The following FAM91A1 variants were observed in gnomAD, a reference collection of about 807,000 sequenced individuals.
FAM91A1 encodes family with sequence similarity 91 member A1.
Under a neutral mutation model 113.5 loss-of-function variants are expected in FAM91A1, and 41 were observed. The ratio of observed to expected loss-of-function variants is 0.36; its 90% CI spans 0.28 to 0.47. The LOEUF (loss-of-function observed/expected upper bound fraction) is 0.47, where lower values mean the gene tolerates loss of function less well. Ranked by LOEUF, FAM91A1 falls within the 20% of genes least tolerant of loss-of-function variation. The pLI, the probability that FAM91A1 is intolerant of heterozygous loss-of-function variation, is 1.00. For missense variants in FAM91A1, 696 were observed against 1,001.2 expected (o/e 0.70, Z 4.11); for synonymous variants, 307 against 347.9 (o/e 0.88, Z 1.31).
Position 123,774,033 on chromosome 8 carries a change from T to C in FAM91A1, c.73-47T>C. ...TGTGTTATGGGAAAAAATAGTACTATTGTTCAGTTTGGAAGTTGTTTAAAA... is the reference window on the plus strand; with the variant it reads ...TGTGTTATGGGAAAAAATAGTACTACTGTTCAGTTTGGAAGTTGTTTAAAA... On this transcript the variant is annotated intron_variant, in intron 1 of 23. Coordinates refer to ENST00000334705, the MANE Select transcript of FAM91A1 (RefSeq NM_144963.4). 5 of 1,478,666 alleles carry C rather than the reference T, an allele frequency of 3.4e-6. No individual in the cohort carries two copies. In the South Asian group the frequency reaches 6.0e-5, roughly 18 times the overall value. 91.6% of individuals were successfully genotyped at this position (1,478,666 alleles called of 1,614,324 possible). A position where few individuals can be genotyped will look rare whatever the true frequency, so the allele number is the denominator to read the frequency against.
chr8:123,811,862 T>G (rs184909306), intron 23 of FAM91A1, among the ~76,000 whole-genome samples: 119 of 152,204 alleles, frequency 7.8e-4, no homozygotes, highest in African/African-American at 2.1e-3. Context: ...GTAAGGTTTT[T>G]TTTGTTTGTT....
intron 15 of FAM91A1, among the ~76,000 whole-genome samples, chr8:123,794,680 A>G (rs1815465279): frequency 1.3e-5 from 2 of 152,244 alleles, no homozygotes; most frequent in African/African-American, 4.8e-5. Context: ...GTGATCACTC[A>G]TGGTTCTCTC....
chr8:123,787,557 C>T, intron 13 of FAM91A1, 107 bp from the exon 14 acceptor site: 2 of 1,074,666 alleles, frequency 1.9e-6, no homozygotes, highest in South Asian at 3.4e-5. Flanking sequence ...CCTCACCCCC[C>T]AATCCTTAAG....
At chr8:123,788,194 C>G in intron 14 of FAM91A1, 1 of 985,270 alleles carries the variant, frequency 1.0e-6, no homozygotes, top group Non-Finnish European at 1.2e-6. Context: ...CTCACTATCC[C>G]TTTTAGCATC....
rs1415710617 is a variant in FAM91A1 at position 123,814,995 on chromosome 8, T to G, written c.*2291T>G. 4 of 152,616 alleles carry G rather than the reference T, an allele frequency of 2.6e-5. No individual in the cohort carries two copies. Among genetic ancestry groups the G allele is most frequent in the Non-Finnish European group, 4.4e-5 (3 of 68,028 alleles). The allele number at this position is 152,616 out of a possible 1,614,324, so 9.5% of individuals were successfully genotyped here. On this transcript the variant is annotated 3_prime_UTR_variant, in exon 24 of 24. Coordinates refer to ENST00000334705, the MANE Select transcript of FAM91A1 (RefSeq NM_144963.4). ...TTTTTCCCGCTTCCTTAATGTAATT[T>G]AAACCCTGGCAAACATTCTTTAGAA...
chr8:123,768,635 G>C lies in FAM91A1; in HGVS notation c.-68G>C. On this transcript the variant is annotated 5_prime_UTR_variant, in exon 1 of 24. Transcript: ENST00000334705. Reference sequence around the variant, plus strand: ...GCGTCGCTCCGCTGACAGGCTGCGGGCGGGCAGGCGGGAGGCGTAGTGTGG... The same window carrying C: ...GCGTCGCTCCGCTGACAGGCTGCGGCCGGGCAGGCGGGAGGCGTAGTGTGG... The C allele has an allele frequency of 7.2e-7, 1 of 1,393,822 alleles. No homozygotes were observed. Among genetic ancestry groups the C allele is most frequent in the South Asian group, 1.3e-5 (1 of 77,438 alleles). The allele number at this position is 1,393,822 out of a possible 1,614,324, so 86.3% of individuals were successfully genotyped here. A position where few individuals can be genotyped will look rare whatever the true frequency, so the allele number is the denominator to read the frequency against.
At chr8:123,795,403 C>A (rs1328203913) in intron 15 of FAM91A1, among the ~76,000 whole-genome samples, 2 of 148,838 alleles carry the variant, frequency 1.3e-5, no homozygotes, top group Non-Finnish European at 3.0e-5. Flanking sequence ...CCCTTTACAG[C>A]TGTCATCATG....
chr8:123,800,691 C>T (rs972849340), intron 18 of FAM91A1, among the ~76,000 whole-genome samples: 2 of 152,128 alleles, frequency 1.3e-5, no homozygotes, highest in Non-Finnish European at 2.9e-5. Flanking sequence ...CATCTCCTTC[C>T]CTCTAGTCTT....
chr8:123,799,953 T>C lies in FAM91A1; in HGVS notation c.1809+68T>C, dbSNP rs574946437. 6 of 1,236,610 alleles carry C rather than the reference T, an allele frequency of 4.9e-6. No homozygotes were observed. In the South Asian group the frequency reaches 7.4e-5, roughly 15 times the overall value. The allele number at this position is 1,236,610 out of a possible 1,614,324, so 76.6% of individuals were successfully genotyped here. A position where few individuals can be genotyped will look rare whatever the true frequency, so the allele number is the denominator to read the frequency against. On this transcript the variant is annotated intron_variant, in intron 18 of 23. Coordinates refer to ENST00000334705, the MANE Select transcript of FAM91A1 (RefSeq NM_144963.4). ...TTGATAATTTTTCTAGCTTTCTATA[T>C]TGAGTTGCAATAAAATGTCAGTCAT... is the stretch of plus-strand genomic sequence containing the variant.
chr8:123,792,283 A>C (rs147438226), intron 15 of FAM91A1, among the ~76,000 whole-genome samples: 12 of 152,242 alleles, frequency 7.9e-5, no homozygotes, highest in African/African-American at 2.9e-4. Flanking sequence ...TATATCATGT[A>C]GTACTTGTTA....
At chr8:123,809,546 G>A (rs1022074267) in intron 22 of FAM91A1, among the ~76,000 whole-genome samples, 2 of 152,212 alleles carry the variant, frequency 1.3e-5, no homozygotes, top group Non-Finnish European at 2.9e-5. Flanking sequence ...GTGAGTAGCT[G>A]CTAAGAGGCA....
chr8:123,780,535 T>C lies in FAM91A1; in HGVS notation c.696T>C (p.Cys232=). 1 of 1,611,200 alleles carries C rather than the reference T, an allele frequency of 6.2e-7. No homozygotes were observed. Among genetic ancestry groups the C allele is most frequent in the Non-Finnish European group, 8.5e-7 (1 of 1,178,960 alleles). The change falls in exon 8 of 24, where the codon TGT becomes TGC. Residue 232 remains cysteine, a synonymous_variant. Transcript: ENST00000334705. ...YLDVPISDDS[C]IAVPPLEGFV... is the part of the protein sequence containing the mutation. ...ATGTACCAATATCTGATGACAGTTG[T>C]ATAGCAGGTAAGTCCGTGCTAACAT...
chr8:123,803,219 T>C (rs1815728946), intron 18 of FAM91A1, among the ~76,000 whole-genome samples: 1 of 148,744 alleles, frequency 6.7e-6, no homozygotes, highest in Non-Finnish European at 1.5e-5. Flanking sequence ...TGGTACTCTG[T>C]AGATCAAGCT....
Position 123,775,166 on chromosome 8 carries a change from T to G in FAM91A1, c.177T>G (p.Asp59Glu). Reference sequence around the variant, plus strand: ...GTGCAGTTAAACATGTCAAGAAAGATGAACGCAGATACTATGAGGAACTGC... The same window carrying G: ...GTGCAGTTAAACATGTCAAGAAAGAGGAACGCAGATACTATGAGGAACTGC... The part of the protein sequence containing the change: ...RNNLVKHVKK[D>E]ERRYYEELLK... Residue 59 changes from aspartate to glutamate, a missense_variant, in exon 3 of 24, where the codon GAT (aspartate) becomes GAG (glutamate). By Grantham distance (45) the Asp-to-Glu change is conservative. Coordinates refer to ENST00000334705, the MANE Select transcript of FAM91A1 (RefSeq NM_144963.4). The G allele has an allele frequency of 2.5e-6, 4 of 1,608,410 alleles. No homozygotes were observed. The highest frequency in any genetic ancestry group is 3.4e-6 in the Non-Finnish European group (4 of 1,177,412).
At chr8:123,811,477 C>T (rs927017844) in intron 23 of FAM91A1, 9 of 151,988 alleles carry the variant, frequency 5.9e-5, no homozygotes, top group Non-Finnish European at 1.5e-5. Flanking sequence ...GCAGTGAAGG[C>T]CTTGGCCATA....
intron 14 of FAM91A1, among the ~76,000 whole-genome samples, chr8:123,789,100 T>C (rs1300111911): frequency 6.6e-6 from 1 of 152,146 alleles, no homozygotes; most frequent in Non-Finnish European, 1.5e-5. Context: ...TCTATCCTTA[T>C]CTCCTAGGGA....
chr8:123,810,139 A>G, intron 22 of FAM91A1, 143 bp from the exon 23 acceptor site: 1 of 725,752 alleles, frequency 1.4e-6, no homozygotes, highest in Non-Finnish European at 2.2e-6. Context: ...ATTGATGAGA[A>G]ACACTGAAAT....
intron 18 of FAM91A1, among the ~76,000 whole-genome samples, chr8:123,801,143 G>A (rs1320056225): frequency 6.6e-6 from 1 of 152,094 alleles, no homozygotes; most frequent in Non-Finnish European, 1.5e-5. Context: ...ACATTCTCAC[G>A]GGCACTTGAT....
At chr8:123,781,545 T>G (rs2130069929) in intron 8 of FAM91A1, among the ~76,000 whole-genome samples, 1 of 151,748 alleles carries the variant, frequency 6.6e-6, no homozygotes, top group African/African-American at 2.4e-5. Flanking sequence ...TGGCATGATT[T>G]TGGCTCACTG....
Sources: gnomAD v4.1 joint callset for allele counts (sites outside exome capture counted in the v4.1 genomes callset) on GRCh38, gnomAD v4.1.1 for gene constraint, MANE v1.5 for transcripts, NCBI Gene and HGNC (gene_info 2026-07-23, HGNC 2026-07-21) for gene names.